The following CNTN5 variants were observed in gnomAD, a reference collection of about 807,000 sequenced individuals.
CNTN5 encodes contactin-5.
A neutral mutation model predicts 129.1 loss-of-function variants in CNTN5; 77 were observed. The observed-to-expected ratio is 0.60, with a 90% CI of 0.50 to 0.72. The LOEUF is 0.72. Ranked by LOEUF, CNTN5 falls within the 30% of genes least tolerant of loss-of-function variation. The pLI, the probability that CNTN5 is intolerant of heterozygous loss-of-function variation, is 0.00. For synonymous variants in CNTN5, 509 were observed against 465.6 expected (o/e 1.09, Z -1.20); for missense variants, 1,478 against 1,328.8 (o/e 1.11, Z -1.75).
intron 7 of CNTN5, among the ~76,000 whole-genome samples, chr11:99,919,890 A>C (rs927844211): frequency 6.6e-6 from 1 of 151,758 alleles, no homozygotes; most frequent in African/African-American, 2.4e-5. Flanking sequence ...TCCTAGGCTT[A>C]AGTGATCCGC....
intron 1 of CNTN5, among the ~76,000 whole-genome samples, chr11:99,149,501 TC>T (rs1156598772): frequency 1.3e-5 from 2 of 152,100 alleles, no homozygotes; most frequent in African/African-American, 4.8e-5. Context: ...ATGTATAAAA[TC>T]ATAATTATGA....
At chr11:100,266,014 T>A (rs889224348) in intron 17 of CNTN5, among the ~76,000 whole-genome samples, 2 of 152,162 alleles carry the variant, frequency 1.3e-5, no homozygotes, top group African/African-American at 4.8e-5. Context: ...ATTCTATCAG[T>A]GGATATGTCT....
At chr11:99,235,356 T>C (rs1223037549) in intron 1 of CNTN5, among the ~76,000 whole-genome samples, 3 of 152,168 alleles carry the variant, frequency 2.0e-5, no homozygotes, top group Non-Finnish European at 1.5e-5. Flanking sequence ...CTTACATGTA[T>C]ACTTTGGGAC....
intron 1 of CNTN5, among the ~76,000 whole-genome samples, chr11:99,273,456 T>C (rs1863271210): frequency 1.3e-5 from 2 of 151,780 alleles, no homozygotes; most frequent in African/African-American, 4.8e-5. Flanking sequence ...TCTTAGGAAA[T>C]GAAAAGTACT....
chr11:100,051,375 A>G (rs1942945241), intron 9 of CNTN5, among the ~76,000 whole-genome samples: 1 of 152,098 alleles, frequency 6.6e-6, no homozygotes, highest in South Asian at 2.1e-4. Flanking sequence ...TTAGAAATTC[A>G]AAACACACAT....
intron 21 of CNTN5, among the ~76,000 whole-genome samples, chr11:100,317,482 A>G (rs1951593680): frequency 6.6e-6 from 1 of 152,222 alleles, no homozygotes; most frequent in South Asian, 2.1e-4. Context: ...AAGAAACTAA[A>G]CAATAAGAAA....
At chr11:99,427,574 G>T (rs539383461) in intron 2 of CNTN5, among the ~76,000 whole-genome samples, 1 of 151,822 alleles carries the variant, frequency 6.6e-6, no homozygotes, top group Non-Finnish European at 1.5e-5. Flanking sequence ...AGACCATCTT[G>T]GCTAACACGG....
intron 2 of CNTN5, among the ~76,000 whole-genome samples, chr11:99,452,473 C>T (rs563404716): frequency 5.8e-4 from 86 of 147,328 alleles, no homozygotes; most frequent in African/African-American, 1.9e-3. Context: ...CCCGAGTTCA[C>T]GCCATTCTCC....
At chr11:99,994,033 G>A (rs1165172822) in intron 8 of CNTN5, among the ~76,000 whole-genome samples, 1 of 152,102 alleles carries the variant, frequency 6.6e-6, no homozygotes, top group East Asian at 1.9e-4. Flanking sequence ...GGGGCCAGAA[G>A]TGAGGCTTAA....
intron 1 of CNTN5, among the ~76,000 whole-genome samples, chr11:99,128,441 A>G (rs894576763): frequency 6.6e-6 from 1 of 150,666 alleles, no homozygotes; most frequent in African/African-American, 2.4e-5. Context: ...GGCCTCACAC[A>G]TGAATTCCAG....
At chr11:99,773,170 A>G (rs1480416952) in intron 3 of CNTN5, among the ~76,000 whole-genome samples, 1 of 152,080 alleles carries the variant, frequency 6.6e-6, no homozygotes, top group African/African-American at 2.4e-5. Flanking sequence ...AGTCAACCTG[A>G]ATTTTAATTT....
At chr11:99,460,404 G>A (rs113784484) in intron 2 of CNTN5, among the ~76,000 whole-genome samples, 1,842 of 151,768 alleles carry the variant, frequency 0.012, 39 homozygotes, top group African/African-American at 0.042. Context: ...TGTTTTATGT[G>A]TCCAAACATT....
At chr11:99,548,802 C>G (rs571947135) in intron 2 of CNTN5, among the ~76,000 whole-genome samples, 19 of 152,060 alleles carry the variant, frequency 1.2e-4, no homozygotes, top group African/African-American at 4.3e-4. Context: ...TAGTATTTTC[C>G]ATTTTCAATA....
chr11:99,268,040 G>C (rs73534995), intron 1 of CNTN5, among the ~76,000 whole-genome samples: 2,550 of 124,646 alleles, frequency 0.02, 81 homozygotes, highest in African/African-American at 0.066. Context: ...TTCTTATTTA[G>C]TTAAGGTATG....
At chr11:99,701,976 C>T (rs1954541625) in intron 3 of CNTN5, among the ~76,000 whole-genome samples, 1 of 151,022 alleles carries the variant, frequency 6.6e-6, no homozygotes, top group Non-Finnish European at 1.5e-5. Context: ...TAATTTGTGA[C>T]ATTAACAAGA....
intron 9 of CNTN5, among the ~76,000 whole-genome samples, chr11:100,037,454 G>C (rs1258887066): frequency 7.9e-5 from 12 of 152,018 alleles, no homozygotes; most frequent in South Asian, 4.2e-4. Flanking sequence ...CTCTGCCCGG[G>C]TTTGGTATCA....
intron 1 of CNTN5, among the ~76,000 whole-genome samples, chr11:99,269,302 G>T (rs1391961212): frequency 1.3e-5 from 2 of 150,420 alleles, no homozygotes; most frequent in South Asian, 4.2e-4. Context: ...ATTACTTTAG[G>T]TAATAGTTTA....
chr11:99,726,603 TTAATC>T (rs1325052285), intron 3 of CNTN5, among the ~76,000 whole-genome samples: 4 of 152,230 alleles, frequency 2.6e-5, no homozygotes, highest in African/African-American at 9.6e-5. Flanking sequence ...ATTATCTAAT[TTAATC>T]TAACAACAAA....
intron 3 of CNTN5, among the ~76,000 whole-genome samples, chr11:99,682,102 T>G (rs1953581798): frequency 6.6e-6 from 1 of 151,980 alleles, no homozygotes; most frequent in African/African-American, 2.4e-5. Flanking sequence ...TATACACAAA[T>G]TGTTTATGAA....
Sources: gnomAD v4.1 joint callset for allele counts (sites outside exome capture counted in the v4.1 genomes callset) on GRCh38, gnomAD v4.1.1 for gene constraint, MANE v1.5 for transcripts, NCBI Gene and HGNC (gene_info 2026-07-23, HGNC 2026-07-21) for gene names.